Variants in PHF20L1 observed in about 807,000 individuals in gnomAD.
PHF20L1 encodes PHD finger protein 20-like protein 1.
A neutral mutation model predicts 125.5 loss-of-function variants in PHF20L1; 44 were observed. The ratio of observed to expected loss-of-function variants is 0.35; its 90% confidence interval spans 0.28 to 0.45. PHF20L1 has a LOEUF of 0.45. Among genes scored for constraint, PHF20L1 ranks in the 20% least tolerant of loss-of-function variants. PHF20L1 has a pLI of 1.00. For missense variants in PHF20L1, 1,012 were observed against 1,217.2 expected, an observed-to-expected ratio of 0.83 and a Z score of 2.51; for synonymous variants, 380 against 403.1, an observed-to-expected ratio of 0.94 and a Z score of 0.69.
chr8:132,833,955 C>T (rs1334606674), intron 15 of PHF20L1, among the ~76,000 whole-genome samples: 6 of 152,038 alleles, frequency 3.9e-5, no homozygotes, highest in African/African-American at 7.2e-5. Context: ...GCAAGTTCCC[C>T]GGTGATGATA....
chr8:132,782,123 CT>C (rs1226862818), intron 2 of PHF20L1, among the ~76,000 whole-genome samples: 3 of 152,138 alleles, frequency 2.0e-5, no homozygotes, highest in African/African-American at 7.2e-5. Context: ...TTTATAATCT[CT>C]GGAAGGTAGT....
chr8:132,778,253 T>C (rs371548475), intron 2 of PHF20L1, among the ~76,000 whole-genome samples: 4 of 152,328 alleles, frequency 2.6e-5, no homozygotes, highest in African/African-American at 9.6e-5. Context: ...GAGAACCAAC[T>C]TCTCATGTTT....
chr8:132,831,710 T>A (rs1453382497), intron 14 of PHF20L1, among the ~76,000 whole-genome samples: 1 of 152,004 alleles, frequency 6.6e-6, no homozygotes, highest in East Asian at 1.9e-4. Flanking sequence ...CCGAATAAGT[T>A]CTGGGGTACA....
intron 15 of PHF20L1, 33 bp downstream of exon 15, chr8:132,832,432 CT>C: frequency 6.8e-7 from 1 of 1,479,566 alleles, no homozygotes; most frequent in Non-Finnish European, 9.4e-7. Flanking sequence ...TAAAACAAGA[CT>C]TACAATTCCT....
intron 2 of PHF20L1, among the ~76,000 whole-genome samples, chr8:132,790,239 C>T (rs1441111129): frequency 1.3e-5 from 2 of 152,142 alleles, no homozygotes; most frequent in Non-Finnish European, 2.9e-5. Context: ...TATACAGAGG[C>T]ATTTGTGAAT....
chr8:132,832,365 A>T lies in PHF20L1; in HGVS notation c.1875A>T (p.Pro625=), dbSNP rs756873946. The T allele has an allele frequency of 6.2e-7, 1 of 1,612,254 alleles. No homozygotes were observed. The highest frequency in any genetic ancestry group is 8.5e-7 in the Non-Finnish European group (1 of 1,178,704). Residue 625 remains proline, a synonymous_variant, in exon 15 of 21, where the codon CCA becomes CCT. Coordinates refer to ENST00000395386, the MANE Select transcript of PHF20L1 (RefSeq NM_016018.5). ...FTEKTTTYQY[P]RAILSVDLSG... ...AGAAAACTACAACCTATCAGTACCC[A>T]AGGGCAATTCTATCCGTTGATCTTA...
chr8:132,803,780 T>A, intron 6 of PHF20L1, 39 bp from the exon 7 acceptor site: 1 of 1,115,084 alleles, frequency 9.0e-7, no homozygotes, highest in Non-Finnish European at 1.3e-6. Flanking sequence ...TTTTAATTAA[T>A]TTTTAATACT....
At chr8:132,843,824 G>T (rs1453716244) in intron 19 of PHF20L1, 1 of 985,030 alleles carries the variant, frequency 1.0e-6, no homozygotes, top group Non-Finnish European at 1.2e-6. Flanking sequence ...CACCAGCTGA[G>T]ATTAATTGAG....
At chr8:132,843,929 G>C (rs778685464) in intron 19 of PHF20L1, 7 of 985,278 alleles carry the variant, frequency 7.1e-6, no homozygotes, top group Non-Finnish European at 8.4e-6. Flanking sequence ...CTTCTTGCCT[G>C]TGTAGCACCA....
chr8:132,791,541 C>G (rs1216179071), intron 2 of PHF20L1, among the ~76,000 whole-genome samples: 1 of 152,168 alleles, frequency 6.6e-6, no homozygotes, highest in African/African-American at 2.4e-5. Context: ...GCATGAGCCA[C>G]CGTGGCTGGC....
intron 18 of PHF20L1, among the ~76,000 whole-genome samples, chr8:132,841,321 T>C (rs1837911010): frequency 6.6e-6 from 1 of 152,128 alleles, no homozygotes; most frequent in Non-Finnish European, 1.5e-5. Context: ...GGCTTCTCTA[T>C]GGCACAGCAG....
Position 132,837,697 on chromosome 8 carries a change from C to G in PHF20L1, c.2092-15C>G, listed in dbSNP as rs770438062. ...TGAGGATCGGGTGACTGTAATACTC[C>G]TCTGTTTTCTGCAGTGTGAAGAGTG... On this transcript the variant is annotated splice_polypyrimidine_tract_variant and intron_variant, in intron 16 of 20. Transcript: ENST00000395386. The G allele has an allele frequency of 7.5e-6, 12 of 1,596,442 alleles. No individual in the cohort carries two copies. The highest frequency in any genetic ancestry group is 9.4e-6 in the Non-Finnish European group (11 of 1,164,790).
At chr8:132,837,367 C>G (rs1837477221) in intron 16 of PHF20L1, among the ~76,000 whole-genome samples, 1 of 151,954 alleles carries the variant, frequency 6.6e-6, no homozygotes, top group Admixed American at 6.6e-5. Context: ...CTGCTACCAA[C>G]TTTTTTTTCC....
chr8:132,784,863 G>A (rs889472736), intron 2 of PHF20L1, among the ~76,000 whole-genome samples: 2 of 152,118 alleles, frequency 1.3e-5, no homozygotes, highest in African/African-American at 4.8e-5. Flanking sequence ...ATCTAGAAGG[G>A]CCCTGAAAGT....
chr8:132,779,640 T>C (rs1179928675), intron 2 of PHF20L1, among the ~76,000 whole-genome samples: 1 of 152,254 alleles, frequency 6.6e-6, no homozygotes, highest in Non-Finnish European at 1.5e-5. Flanking sequence ...TGATTAGTTC[T>C]GTCAGTAATT....
intron 14 of PHF20L1, among the ~76,000 whole-genome samples, chr8:132,830,567 A>C (rs1046741402): frequency 6.6e-6 from 1 of 151,760 alleles, no homozygotes; most frequent in Non-Finnish European, 1.5e-5. Context: ...TCCACCTCTC[A>C]TGTATTCCCT....
At chr8:132,822,598 G>A (rs966523209) in intron 12 of PHF20L1, among the ~76,000 whole-genome samples, 36 of 151,980 alleles carry the variant, frequency 2.4e-4, no homozygotes, top group Non-Finnish European at 4.6e-4. Flanking sequence ...TTCTAATAGT[G>A]CAGCAAGTAG....
In PHF20L1 at chr8:132,814,748, C is replaced by G. The variant is rs765178242; in HGVS notation, c.1042C>G (p.Arg348Gly). The G allele has an allele frequency of 6.2e-7, 1 of 1,612,910 alleles. No individual in the cohort carries two copies. Among genetic ancestry groups the G allele is most frequent in the East Asian group, 2.2e-5 (1 of 44,834 alleles). Residue 348 changes from arginine to glycine, a missense_variant, in exon 10 of 21, where the codon CGC becomes GGC. Physicochemically the swap from Arg to Gly is moderately radical, Grantham distance 125. This residue lies in a region of PHF20L1 where 119 missense variants were observed against 160.2 expected (regional missense o/e 0.74). Transcript: ENST00000395386. ...CTCAACTTTGTCTTCAGGGAAGGCTCGCAGCAAGAAATGCAAACATGAATC... is the reference window on the plus strand; with the variant it reads ...CTCAACTTTGTCTTCAGGGAAGGCTGGCAGCAAGAAATGCAAACATGAATC... Reference protein sequence around the residue: ...LSSTLSSGKARSKKCKHESGD... With the variant: ...LSSTLSSGKAGSKKCKHESGD...
chr8:132,815,081 G>T (rs1033657975), intron 10 of PHF20L1, 192 bp downstream of exon 10: 1 of 451,836 alleles, frequency 2.2e-6, no homozygotes, highest in Non-Finnish European at 3.9e-6. Flanking sequence ...AGAGACTACT[G>T]CTGGTTGAGA....
Sources: gnomAD v4.1 joint callset for allele counts (sites outside exome capture counted in the v4.1 genomes callset) on GRCh38, gnomAD v4.1.1 for gene constraint, gnomAD v4.1.1 regional missense constraint, MANE v1.5 for transcripts, NCBI Gene and HGNC (gene_info 2026-07-23, HGNC 2026-07-21) for gene names.